Variants in YTHDC2 observed in about 807,000 individuals in gnomAD.
YTHDC2 encodes the protein YTH N6-methyladenosine RNA binding protein C2.
Under a neutral mutation model 174.9 loss-of-function variants are expected in YTHDC2, and 45 were observed. The ratio of observed to expected loss-of-function variants is 0.26; its 90% CI spans 0.20 to 0.33. The LOEUF is 0.33. Among genes scored for constraint, YTHDC2 ranks in the 10% least tolerant of loss-of-function variants. The pLI is 1.00. For synonymous variants in YTHDC2, 657 were observed against 574.5 expected, an observed-to-expected ratio of 1.14 and a Z score of -2.05; for missense variants, 1,650 against 1,723.7, an observed-to-expected ratio of 0.96 and a Z score of 0.76.
intron 23 of YTHDC2, among the ~76,000 whole-genome samples, chr5:113,568,784 T>C (rs1202823573): frequency 6.6e-6 from 1 of 152,200 alleles, no homozygotes; most frequent in East Asian, 1.9e-4. Context: ...TTGATGGGCA[T>C]TTGGGTTGAT....
chr5:113,562,033 C>A (rs1306111622), intron 18 of YTHDC2, among the ~76,000 whole-genome samples: 1 of 140,740 alleles, frequency 7.1e-6, no homozygotes, highest in African/African-American at 2.7e-5. Flanking sequence ...ACAGCCAGAC[C>A]CTATAGCTTC....
chr5:113,558,226 T>G (rs1017470990), intron 17 of YTHDC2, among the ~76,000 whole-genome samples: 4 of 152,160 alleles, frequency 2.6e-5, no homozygotes, highest in Admixed American at 6.5e-5. Flanking sequence ...GGGGACAAGT[T>G]TTTAAGGACC....
At chr5:113,514,228 G>A (rs889059727) in intron 1 of YTHDC2, 146 bp downstream of exon 1, 1 of 1,037,786 alleles carries the variant, frequency 9.6e-7, no homozygotes, top group Non-Finnish European at 1.4e-6. Context: ...CCTCAGCGGC[G>A]GCACCCGGGT....
chr5:113,552,270 A>G (rs1776297219), intron 12 of YTHDC2, among the ~76,000 whole-genome samples: 2 of 152,040 alleles, frequency 1.3e-5, no homozygotes, highest in African/African-American at 4.8e-5. Flanking sequence ...CATCACCACA[A>G]TCAATTTTAG....
chr5:113,553,058 T>C (rs1210732182), intron 12 of YTHDC2, 123 bp from the exon 13 acceptor site: 2 of 944,812 alleles, frequency 2.1e-6, no homozygotes, highest in East Asian at 2.9e-5. Flanking sequence ...AATCATATTA[T>C]AGCTAGGACA....
Position 113,538,521 on chromosome 5 carries a change from A to G in YTHDC2, c.1103-553A>G, listed in dbSNP as rs370395062. 2.6e-4 allele frequency among the ~76,000 whole-genome samples: 40 copies of G among 152,262 alleles called. 4 individuals carry two copies. The highest frequency in any genetic ancestry group is 7.2e-4 in the Admixed American group (11 of 15,292). ...GGTCCTTGAAACTCCTTTCTAGCAC[A>G]GGGACTTTGCACATGCTGTTTTTCA... On this transcript the variant is annotated intron_variant, in intron 7 of 29. Transcript: ENST00000161863.
At position 113,517,785 on chromosome 5, in the gene YTHDC2, G is replaced by T. The variant is rs1177108286; in HGVS notation, c.278+2423G>T. Among the ~76,000 whole-genome samples, 7 of 152,220 alleles carry T rather than the reference G, an allele frequency of 4.6e-5. No homozygotes were observed. In the East Asian group the frequency reaches 1.2e-3, roughly 25 times the overall value. ...CTTTTCTTCTTTTCACAAAAAGAAAGAAATCACTTTGAATCTACTTCTCAA... is the reference window on the plus strand; with the variant it reads ...CTTTTCTTCTTTTCACAAAAAGAAATAAATCACTTTGAATCTACTTCTCAA... On this transcript the variant is annotated intron_variant, in intron 2 of 29. Coordinates refer to ENST00000161863, the MANE Select transcript of YTHDC2 (RefSeq NM_022828.5).
chr5:113,537,442 A>G (rs902056090), intron 7 of YTHDC2, among the ~76,000 whole-genome samples: 85 of 144,916 alleles, frequency 5.9e-4, no homozygotes, highest in African/African-American at 2.0e-3. Context: ...CTCATTCTTC[A>G]TTATATCCCA....
chr5:113,521,469 G>T (rs1773853688), intron 2 of YTHDC2, among the ~76,000 whole-genome samples: 1 of 152,166 alleles, frequency 6.6e-6, no homozygotes, highest in Non-Finnish European at 1.5e-5. Context: ...AGTGGCTCAT[G>T]CTGGTAATCC....
intron 7 of YTHDC2, among the ~76,000 whole-genome samples, chr5:113,536,639 T>C (rs1449807083): frequency 1.3e-5 from 2 of 152,198 alleles, no homozygotes; most frequent in Non-Finnish European, 2.9e-5. Flanking sequence ...GTCCTACTTT[T>C]CTGATTTATG....
chr5:113,567,274 C>G lies in YTHDC2; in HGVS notation c.3025C>G (p.Leu1009Val), dbSNP rs140332828. 6.2e-7 allele frequency: 1 copy of G among 1,611,240 alleles called. No individual in the cohort carries two copies. The highest frequency in any genetic ancestry group is 1.3e-5 in the African/African-American group (1 of 74,732). The change falls in exon 22 of 30, where the codon CTC (leucine) becomes GTC (valine). Residue 1009 changes from leucine to valine, a missense_variant. Coordinates refer to ENST00000161863, the MANE Select transcript of YTHDC2 (RefSeq NM_022828.5). ...AGTACGATTTCATCCTGCTTCAGTT[C>G]TCAGTCAGCCTCAATATAAAAAGGT... ...KKVRFHPASVLSQPQYKKIPP... is the reference protein window; with the variant it reads ...KKVRFHPASVVSQPQYKKIPP...
chr5:113,563,059 G>C (rs536953281), intron 18 of YTHDC2, among the ~76,000 whole-genome samples: 45 of 107,450 alleles, frequency 4.2e-4, no homozygotes, highest in African/African-American at 2.5e-3. Context: ...AAGTATAAAG[G>C]GGGGAAAAGA....
intron 2 of YTHDC2, among the ~76,000 whole-genome samples, chr5:113,521,726 G>C (rs1279044402): frequency 1.5e-5 from 2 of 136,372 alleles, no homozygotes; most frequent in African/African-American, 5.4e-5. Context: ...GCAAGACTCT[G>C]TCTCAAAAAA....
intron 20 of YTHDC2, 96 bp from the exon 21 acceptor site, chr5:113,565,797 G>C (rs3763139): frequency 0.55 from 706,400 of 1,286,672 alleles, 201,354 homozygotes; most frequent in African/African-American, 0.92. Flanking sequence ...GCAAATTCAC[G>C]TCGAGGAATT....
At chr5:113,547,228 T>C (rs1448401145) in intron 10 of YTHDC2, among the ~76,000 whole-genome samples, 2 of 152,182 alleles carry the variant, frequency 1.3e-5, no homozygotes, top group Non-Finnish European at 2.9e-5. Flanking sequence ...GAATTGAATA[T>C]TCAGTTGAAG....
At chr5:113,559,093 A>T (rs572388694) in intron 17 of YTHDC2, among the ~76,000 whole-genome samples, 1 of 152,134 alleles carries the variant, frequency 6.6e-6, no homozygotes, top group African/African-American at 2.4e-5. Flanking sequence ...TAAGGGTTCA[A>T]TCTCAGAGGA....
At chr5:113,561,982 G>A (rs1580589989) in intron 18 of YTHDC2, among the ~76,000 whole-genome samples, 1 of 129,842 alleles carries the variant, frequency 7.7e-6, no homozygotes, top group Non-Finnish European at 1.8e-5. Flanking sequence ...GTGTGTGTGT[G>A]TGTGTGTGTG....
intron 11 of YTHDC2, 58 bp from the exon 12 acceptor site, chr5:113,548,897 A>G (rs6889501): frequency 0.21 from 325,850 of 1,522,904 alleles, 43,073 homozygotes; most frequent in African/African-American, 0.58. Flanking sequence ...GCCCAGGCTC[A>G]TCATGAACTA....
intron 17 of YTHDC2, among the ~76,000 whole-genome samples, chr5:113,560,814 A>G (rs912921376): frequency 3.9e-5 from 6 of 152,156 alleles, no homozygotes; most frequent in East Asian, 3.8e-4. Context: ...TTTTATATGT[A>G]TGCTATTTCT....
Sources: gnomAD v4.1 joint callset for allele counts (sites outside exome capture counted in the v4.1 genomes callset) on GRCh38, gnomAD v4.1.1 for gene constraint, MANE v1.5 for transcripts, NCBI Gene and HGNC (gene_info 2026-07-23, HGNC 2026-07-21) for gene names.